SLC24A2: variants seen among roughly 807,000 people sequenced by gnomAD.
SLC24A2 encodes solute carrier family 24 member 2.
A neutral mutation model predicts 62.0 loss-of-function variants in SLC24A2; 36 were observed. That is an observed-to-expected ratio of 0.58 (90% CI 0.44 to 0.77). SLC24A2 has a LOEUF of 0.77. SLC24A2 is among the 30% of genes least tolerant of loss of function. The probability of loss-of-function intolerance (pLI) is 0.00; values close to 1 mark genes in which losing one functional copy is unlikely to be tolerated. For missense variants in SLC24A2, 846 were observed against 817.9 expected, an observed-to-expected ratio of 1.03 and a Z score of -0.42; for synonymous variants, 358 against 294.0, an observed-to-expected ratio of 1.22 and a Z score of -2.23.
At chr9:20,298,653 A>G in the SLC24A2 span, among the ~76,000 whole-genome samples, 181 of 152,388 alleles carry the variant, frequency 1.2e-3, 1 homozygote, top group Admixed American at 3.3e-3. Context: ...ATTAGCAGCC[A>G]TAATAGTAAT....
intron 2 of SLC24A2, among the ~76,000 whole-genome samples, chr9:19,740,450 G>A (rs865901883): frequency 6.6e-6 from 1 of 152,144 alleles, no homozygotes; most frequent in African/African-American, 2.4e-5. Context: ...TACCAACAAC[G>A]TTAGATAAAT....
the SLC24A2 span, among the ~76,000 whole-genome samples, chr9:19,831,801 A>G: frequency 6.6e-6 from 1 of 152,240 alleles, no homozygotes; most frequent in African/African-American, 2.4e-5. Context: ...AAATAAAGAA[A>G]CCATTTAGAG....
intron 2 of SLC24A2, among the ~76,000 whole-genome samples, chr9:19,706,379 C>CTTTT (rs34321235): frequency 1.5e-5 from 2 of 131,932 alleles, no homozygotes; most frequent in African/African-American, 5.6e-5. Flanking sequence ...GGTCTTGAAT[C>CTTTT]TTTTTTTTTT....
intron 4 of SLC24A2, among the ~76,000 whole-genome samples, chr9:19,606,188 A>G (rs913037714): frequency 6.6e-6 from 1 of 152,186 alleles, no homozygotes; most frequent in Non-Finnish European, 1.5e-5. Context: ...TGCATCACCT[A>G]TGGAAATGTG....
At chr9:19,942,194 C>T in the SLC24A2 span, among the ~76,000 whole-genome samples, 13 of 152,124 alleles carry the variant, frequency 8.5e-5, no homozygotes, top group African/African-American at 1.9e-4. Context: ...TTTTCAACAG[C>T]AGAGCTGGGG....
the SLC24A2 span, among the ~76,000 whole-genome samples, chr9:19,830,571 A>G: frequency 2.0e-5 from 3 of 152,312 alleles, no homozygotes; most frequent in East Asian, 1.9e-4. Context: ...TAACACTGGT[A>G]TATTTCAGGG....
At chr9:19,865,378 A>G in the SLC24A2 span, among the ~76,000 whole-genome samples, 3 of 152,176 alleles carry the variant, frequency 2.0e-5, no homozygotes, top group East Asian at 1.9e-4. Flanking sequence ...AAAAGACACA[A>G]AAGACCCAGA....
At chr9:19,873,384 TTC>T in the SLC24A2 span, among the ~76,000 whole-genome samples, 237 of 151,032 alleles carry the variant, frequency 1.6e-3, 2 homozygotes, top group African/African-American at 5.5e-3. Flanking sequence ...TTCTTTCTCT[TTC>T]TCTCTCTCCT....
chr9:19,673,442 TGC>T (rs1272712690), intron 2 of SLC24A2, among the ~76,000 whole-genome samples: 1 of 94,106 alleles, frequency 1.1e-5, no homozygotes, highest in Admixed American at 1.0e-4. Flanking sequence ...TATGTGTGTG[TGC>T]GTGTGTGTGT....
chr9:20,159,760 G>C, the SLC24A2 span, among the ~76,000 whole-genome samples: 6 of 151,400 alleles, frequency 4.0e-5, no homozygotes, highest in South Asian at 1.0e-3. Flanking sequence ...ACAAAAAGCA[G>C]AACTAGATAT....
chr9:20,061,823 A>T, the SLC24A2 span, among the ~76,000 whole-genome samples: 1 of 152,176 alleles, frequency 6.6e-6, no homozygotes, highest in African/African-American at 2.4e-5. Flanking sequence ...TTAAAAAAAA[A>T]ATACCTGGTA....
At chr9:19,847,066 T>C in the SLC24A2 span, among the ~76,000 whole-genome samples, 3 of 152,174 alleles carry the variant, frequency 2.0e-5, no homozygotes, top group Non-Finnish European at 4.4e-5. Context: ...CATATAATTT[T>C]TAGGTAAAAA....
Position 19,786,015 on chromosome 9 carries a change from G to A in SLC24A2, c.852C>T (p.Val284=), listed in dbSNP as rs1669426063. Residue 284 remains valine, a synonymous_variant, in exon 2 of 11, where the codon GTC becomes GTT. Coordinates refer to ENST00000341998, the MANE Select transcript of SLC24A2 (RefSeq NM_020344.4). The surrounding 1 kb of genome is among the most constrained non-coding windows in gnomAD (Gnocchi z 5.0). The stretch of plus-strand genomic sequence containing the variant: ...TTTGCTTCACCCATTTTTCTACTTG[G>A]ACGTTGAATTTCATGAAAACCACAT... The part of the protein sequence containing the change: ...FCYVVFMKFN[V]QVEKWVKQMI... 4.3e-6 allele frequency: 7 copies of A among 1,613,914 alleles called. No individual in the cohort carries two copies. Among genetic ancestry groups the A allele is most frequent in the Non-Finnish European group, 5.9e-6 (7 of 1,179,946 alleles).
chr9:19,918,120 T>A, the SLC24A2 span, among the ~76,000 whole-genome samples: 1 of 149,752 alleles, frequency 6.7e-6, no homozygotes, highest in African/African-American at 2.5e-5. Context: ...CATATTTTTC[T>A]TCTTCTAACA....
In SLC24A2 at chr9:19,513,215, C is replaced by CATGTATATA. The variant is rs1168089403; in HGVS notation, c.*2937_*2938insTATATACAT. The CATGTATATA allele has an allele frequency of 1.1e-4, 14 of 130,202 alleles. No individual in the cohort carries two copies. Among genetic ancestry groups the CATGTATATA allele is most frequent in the African/African-American group, 4.2e-4 (14 of 33,414 alleles). 8.1% of individuals were successfully genotyped at this position (130,202 alleles called of 1,614,324 possible). Reference sequence around the variant, plus strand: ...ATGTATATATTTATATATGTATATACACAGGCATGCAGGAAACGAGTTAGA... The same window carrying CATGTATATA: ...ATGTATATATTTATATATGTATATACATGTATATAACAGGCATGCAGGAAACGAGTTAGA... On this transcript the variant is annotated 3_prime_UTR_variant, in exon 11 of 11. Coordinates refer to ENST00000341998, the MANE Select transcript of SLC24A2 (RefSeq NM_020344.4).
intron 5 of SLC24A2, among the ~76,000 whole-genome samples, chr9:19,589,272 T>G (rs1004614170): frequency 5.3e-5 from 8 of 152,134 alleles, no homozygotes; most frequent in Non-Finnish European, 8.8e-5. Context: ...AGCCATGCAG[T>G]GAAATACTAA....
the SLC24A2 span, among the ~76,000 whole-genome samples, chr9:19,915,004 G>C: frequency 6.6e-6 from 1 of 152,062 alleles, no homozygotes; most frequent in Non-Finnish European, 1.5e-5. Context: ...CAATCTAATA[G>C]TTTTTAGTAT....
chr9:20,301,792 G>A, the SLC24A2 span, among the ~76,000 whole-genome samples: 2 of 152,128 alleles, frequency 1.3e-5, no homozygotes, highest in Non-Finnish European at 2.9e-5. Context: ...CACTCTTGGT[G>A]TTGTACATTC....
rs3220155 is a variant in SLC24A2 at position 19,615,994 on chromosome 9, GCACACACACACACACACACA to G, written c.1078+3570_1078+3589del. 2.0e-4 allele frequency among the ~76,000 whole-genome samples: 28 copies of G among 140,796 alleles called. 1 individual carries two copies. The East Asian group carries it at 2.5e-3, about 13-fold the overall frequency. 92.4% of individuals were successfully genotyped at this position (140,796 alleles called of 152,430 possible). A position where few individuals can be genotyped will look rare whatever the true frequency, so the allele number is the denominator to read the frequency against. On this transcript the variant is annotated intron_variant, in intron 4 of 10. Transcript: ENST00000341998. ...AGGACATGACCACATTCACAGGCGT[GCACACACACACACACACACA>G]CACACACACACACACACACACACAG...
Sources: allele counts gnomAD v4.1 joint callset (sites outside exome capture counted in the v4.1 genomes callset), GRCh38; gene constraint gnomAD v4.1.1; non-coding constraint Gnocchi (gnomAD v3.1); transcripts MANE v1.5; gene names NCBI Gene and HGNC (gene_info 2026-07-23, HGNC 2026-07-21).